CLHC1: variants seen among roughly 807,000 people sequenced by gnomAD.
CLHC1 encodes the protein clathrin heavy chain linker domain-containing protein 1.
Under a neutral mutation model 69.5 loss-of-function variants are expected in CLHC1, and 72 were observed. That is an observed-to-expected ratio of 1.04 (90% confidence interval 0.86 to 1.26). The LOEUF (loss-of-function observed/expected upper bound fraction) is 1.26. Among genes scored for constraint, CLHC1 ranks in the 50% most tolerant of loss-of-function variants. CLHC1 has a pLI of 0.00. For synonymous variants in CLHC1, 223 were observed against 224.3 expected (o/e 0.99, Z 0.05); for missense variants, 790 against 679.3 (o/e 1.16, Z -1.81).
In CLHC1 at chr2:55,212,780, G is replaced by A. The variant is rs142548787; in HGVS notation, c.392C>T (p.Ser131Leu). The A allele has an allele frequency of 4.5e-5, 72 of 1,602,540 alleles. No individual in the cohort carries two copies. In the African/African-American group the frequency reaches 4.8e-4, roughly 11 times the overall value. ...AKMRIIESNS[S>L]KIQSQIDHIK... ...GTGATCTATTTGAGATTGAATCTTC[G>A]AGGAATTACTTTCGATAATCCTCAT... The change falls in exon 5 of 13, where the codon TCG (serine) becomes TTG (leucine). Residue 131 changes from serine to leucine, a missense_variant. Coordinates refer to ENST00000401408, the MANE Select transcript of CLHC1 (RefSeq NM_152385.4).
chr2:55,229,857 T>C (rs1012247068), intron 1 of CLHC1, among the ~76,000 whole-genome samples: 2 of 152,248 alleles, frequency 1.3e-5, no homozygotes, highest in African/African-American at 4.8e-5. Context: ...GCAGATCACC[T>C]GACGTCGGGA....
Position 55,173,531 on chromosome 2 carries a change from A to T in CLHC1, c.*2259T>A, listed in dbSNP as rs1669131342. On this transcript the variant is annotated 3_prime_UTR_variant, in exon 13 of 13. Coordinates refer to ENST00000401408, the MANE Select transcript of CLHC1 (RefSeq NM_152385.4). Reference sequence around the variant, plus strand: ...ACAAGAGGAGGTATCTAGTCAAAATAAATTTATCTTAAGCATGAGGAAAAG... The same window carrying T: ...ACAAGAGGAGGTATCTAGTCAAAATTAATTTATCTTAAGCATGAGGAAAAG... Among the ~76,000 whole-genome samples the T allele has an allele frequency of 6.6e-6, 1 of 152,236 alleles. No individual in the cohort carries two copies. Among genetic ancestry groups the T allele is most frequent in the Admixed American group, 6.5e-5 (1 of 15,274 alleles).
chr2:55,204,030 A>C (rs1051572648), intron 9 of CLHC1, among the ~76,000 whole-genome samples: 2 of 152,234 alleles, frequency 1.3e-5, no homozygotes, highest in Non-Finnish European at 2.9e-5. Context: ...CACACCTGTA[A>C]TCCCAACACT....
chr2:55,180,209 T>A (rs975259712), intron 11 of CLHC1, among the ~76,000 whole-genome samples: 2 of 152,092 alleles, frequency 1.3e-5, no homozygotes, highest in Admixed American at 1.3e-4. Flanking sequence ...AAATCATATA[T>A]GTAGTATGTT....
chr2:55,222,160 G>T, intron 3 of CLHC1, 75 bp downstream of exon 3: 2 of 992,336 alleles, frequency 2.0e-6, no homozygotes, highest in Non-Finnish European at 3.1e-6. Flanking sequence ...TGTTACTAAG[G>T]CAGGAATATT....
intron 9 of CLHC1, among the ~76,000 whole-genome samples, chr2:55,201,823 G>C (rs944132405): frequency 1.3e-5 from 2 of 151,976 alleles, no homozygotes; most frequent in Non-Finnish European, 2.9e-5. Context: ...TAACCAAGTG[G>C]GATTTATCCT....
chr2:55,183,793 T>C (rs1670142540), intron 9 of CLHC1, among the ~76,000 whole-genome samples: 2 of 152,172 alleles, frequency 1.3e-5, no homozygotes, highest in Admixed American at 6.5e-5. Flanking sequence ...TCTTTATTTC[T>C]TTTTTTGAGA....
intron 2 of CLHC1, among the ~76,000 whole-genome samples, chr2:55,227,826 T>A (rs375774688): frequency 6.9e-6 from 1 of 145,802 alleles, no homozygotes. Context: ...GGCCTATTAG[T>A]GCCCTTCAGA....
At chr2:55,176,896 T>G (rs1669438816) in intron 12 of CLHC1, among the ~76,000 whole-genome samples, 1 of 152,200 alleles carries the variant, frequency 6.6e-6, no homozygotes, top group Admixed American at 6.5e-5. Flanking sequence ...TCTCATTTTT[T>G]TTGAGGCAGT....
chr2:55,209,538 A>G, intron 6 of CLHC1, 22 bp from the exon 7 acceptor site: 1 of 1,582,982 alleles, frequency 6.3e-7, no homozygotes, highest in Non-Finnish European at 8.7e-7. Context: ...AAAAACGTCA[A>G]TAACACACTG....
Position 55,217,901 on chromosome 2 carries a change from G to A in CLHC1, c.275C>T (p.Thr92Ile). ...TTTAAGTTTTCCATGAAGACAAAAT[G>A]TAGTTCTTCGGTCTTTCTTTATTGT... ...IETIKKDRRT[T>I]FCLHGKLKGL... is the part of the protein sequence containing the mutation. The change falls in exon 4 of 13, where the codon ACA becomes ATA. Residue 92 changes from threonine to isoleucine, a missense_variant. Transcript: ENST00000401408. The A allele has an allele frequency of 1.2e-6, 2 of 1,603,686 alleles. No individual in the cohort carries two copies. Among genetic ancestry groups the A allele is most frequent in the Non-Finnish European group, 1.7e-6 (2 of 1,174,906 alleles).
chr2:55,183,066 C>T (rs930591685), intron 9 of CLHC1, among the ~76,000 whole-genome samples: 9 of 152,148 alleles, frequency 5.9e-5, no homozygotes, highest in Non-Finnish European at 1.3e-4. Context: ...AAGACCTTTC[C>T]TGTCCCTTAT....
intron 5 of CLHC1, among the ~76,000 whole-genome samples, chr2:55,211,559 G>T (rs1673015605): frequency 7.3e-6 from 1 of 137,014 alleles, no homozygotes; most frequent in South Asian, 2.3e-4. Flanking sequence ...TGAAACACAA[G>T]ATGATTATTC....
chr2:55,204,364 C>T (rs751276681), intron 9 of CLHC1, among the ~76,000 whole-genome samples: 1 of 152,212 alleles, frequency 6.6e-6, no homozygotes, highest in Non-Finnish European at 1.5e-5. Flanking sequence ...TGAAAATGTG[C>T]TCCACATCAT....
chr2:55,218,357 G>A (rs757352607), intron 3 of CLHC1: 41 of 156,428 alleles, frequency 2.6e-4, no homozygotes, highest in African/African-American at 5.3e-4. Flanking sequence ...TCTCTTACTC[G>A]CTCCAAATCT....
chr2:55,177,856 G>A (rs1470187220), intron 11 of CLHC1, 75 bp from the exon 12 acceptor site: 2 of 1,034,202 alleles, frequency 1.9e-6, no homozygotes, highest in African/African-American at 3.2e-5. Flanking sequence ...ACTAGCTAAT[G>A]TCTATACCTG....
chr2:55,227,533 C>G lies in CLHC1; in HGVS notation c.-83+499G>C, dbSNP rs182008684. Among the ~76,000 whole-genome samples, 1,277 of 152,064 alleles carry G rather than the reference C, an allele frequency of 8.4e-3. 11 individuals are homozygous for G. Among genetic ancestry groups the G allele is most frequent in the Non-Finnish European group, 0.015 (1,015 of 67,988 alleles). On this transcript the variant is annotated intron_variant, in intron 2 of 12. Coordinates refer to ENST00000401408, the MANE Select transcript of CLHC1 (RefSeq NM_152385.4). Reference sequence around the variant, plus strand: ...TCTCTACTAAAAATACAAAAATTAGCTGGGAGTGGTGGCACACGCCTATAA... The same window carrying G: ...TCTCTACTAAAAATACAAAAATTAGGTGGGAGTGGTGGCACACGCCTATAA...
In CLHC1 at chr2:55,212,919, G is replaced by A. The variant is rs561577856; in HGVS notation, c.366-113C>T. The A allele has an allele frequency of 7.1e-5, 55 of 779,298 alleles. No homozygotes were observed. The East Asian group carries it at 9.2e-4, about 13-fold the overall frequency. 48.3% of individuals were successfully genotyped at this position (779,298 alleles called of 1,614,324 possible). The stretch of plus-strand genomic sequence containing the variant: ...TTTATTTTGAACCATTATGGACTAG[G>A]TGAAATGCCCTGAAAAAGTTATCTA... On this transcript the variant is annotated intron_variant, in intron 4 of 12. Transcript: ENST00000401408.
At chr2:55,199,317 A>G (rs1193644778) in intron 9 of CLHC1, among the ~76,000 whole-genome samples, 2 of 151,114 alleles carry the variant, frequency 1.3e-5, no homozygotes, top group East Asian at 1.9e-4. Context: ...AAAAAAAAAA[A>G]AAAAGAAATG....
Sources: gnomAD v4.1 joint callset for allele counts (sites outside exome capture counted in the v4.1 genomes callset) on GRCh38, gnomAD v4.1.1 for gene constraint, MANE v1.5 for transcripts, NCBI Gene and HGNC (gene_info 2026-07-23, HGNC 2026-07-21) for gene names.